The following HERC2 variants were observed in gnomAD, a reference collection of about 807,000 sequenced individuals.
The protein encoded by HERC2 is E3 ubiquitin-protein ligase HERC2.
Under a neutral mutation model 537.7 loss-of-function variants are expected in HERC2, and 102 were observed. That is an observed-to-expected ratio of 0.19 (90% CI 0.16 to 0.22). HERC2 has a LOEUF of 0.22. Among genes scored for constraint, HERC2 ranks in the 10% least tolerant of loss-of-function variants. HERC2 has a pLI of 1.00. For synonymous variants in HERC2, 2,224 were observed against 2,466.2 expected, an observed-to-expected ratio of 0.90 and a Z score of 2.91; for missense variants, 4,236 against 6,198.2, an observed-to-expected ratio of 0.68 and a Z score of 10.63.
At chr15:28,152,572 C>A in intron 70 of HERC2, 105 bp downstream of exon 70, 1 of 1,068,368 alleles carries the variant, frequency 9.4e-7, no homozygotes, top group Middle Eastern at 3.2e-4. Flanking sequence ...TCTGTAACTT[C>A]TTTTTATAAA....
chr15:28,146,252 C>T lies in HERC2; in HGVS notation c.10993G>A (p.Val3665Ile), dbSNP rs1429361753. 12 of 1,613,754 alleles carry T rather than the reference C, an allele frequency of 7.4e-6. No individual in the cohort carries two copies. Among genetic ancestry groups the T allele is most frequent in the Admixed American group, 1.7e-5 (1 of 60,002 alleles). Residue 3665 changes from valine to isoleucine, a missense_variant, in exon 71 of 93, where the codon GTC becomes ATC. Val to Ile is a conservative substitution (Grantham distance 29). Around this residue, in one of 27 missense-constraint regions of HERC2, gnomAD observed 356 missense variants for 450.9 expected, o/e 0.79. Transcript: ENST00000261609. ...LTVMDGVNRI[V>I]SVRSGREWSD... The stretch of plus-strand genomic sequence containing the variant: ...CTGTCCTTACCTGACCGCACGGAGA[C>T]GATCCTGTTGACGCCGTCCATGACT...
At chr15:28,162,670 A>G (rs1317296537) in intron 69 of HERC2, among the ~76,000 whole-genome samples, 4 of 152,114 alleles carry the variant, frequency 2.6e-5, no homozygotes, top group Admixed American at 6.5e-5. Flanking sequence ...CAGGTGGATC[A>G]CGAGGTCAGG....
chr15:28,120,900 G>A (rs967406942), intron 86 of HERC2, among the ~76,000 whole-genome samples: 2 of 152,200 alleles, frequency 1.3e-5, no homozygotes, highest in African/African-American at 4.8e-5. Context: ...CTGCAAGAGA[G>A]GAGCAGGCTG....
intron 44 of HERC2, among the ~76,000 whole-genome samples, chr15:28,210,439 G>A (rs1456095020): frequency 6.6e-6 from 1 of 152,130 alleles, no homozygotes; most frequent in Non-Finnish European, 1.5e-5. Flanking sequence ...CCCGGCTGGT[G>A]AATACATTAT....
rs1184109880 is a variant in HERC2 at position 28,230,159 on chromosome 15, C to T, written c.4809+208G>A. Among the ~76,000 whole-genome samples, 9 of 152,066 alleles carry T rather than the reference C, an allele frequency of 5.9e-5. No homozygotes were observed. In the East Asian group the frequency reaches 1.5e-3, roughly 26 times the overall value. ...AATGAATGGTGAATAATTAATGATA[C>T]AATCTAATACCAAAAATAAAAGGAA... On this transcript the variant is annotated intron_variant, in intron 31 of 92. Transcript: ENST00000261609.
rs771352713 is a variant in HERC2 at position 28,270,734 on chromosome 15, G to A, written c.1218C>T (p.Pro406=). The change falls in exon 10 of 93, where the codon CCC becomes CCT. Residue 406 remains proline, a synonymous_variant. Transcript: ENST00000261609. ...GAGAGCTACACAGCGGAGGCATACA[G>A]GGCGTAGCCAGACGGTCTAAATGGG... The part of the protein sequence containing the change: ...VMAHLDRLAT[P]CMPPLCSSPT... 6.2e-7 allele frequency: 1 copy of A among 1,613,936 alleles called. No individual in the cohort carries two copies.
intron 86 of HERC2, among the ~76,000 whole-genome samples, chr15:28,119,356 C>A (rs933253986): frequency 1.4e-5 from 2 of 142,744 alleles, no homozygotes; most frequent in African/African-American, 5.7e-5. Context: ...GCCAAGATTG[C>A]ACCACTGTAC....
chr15:28,125,050 A>G lies in HERC2; in HGVS notation c.12946T>C (p.Trp4316Arg). The change falls in exon 84 of 93, where the codon TGG becomes CGG. Residue 4316 changes from tryptophan (W) to arginine (R), a missense_variant. Trp to Arg is a moderately radical substitution (Grantham distance 101). Transcript: ENST00000261609. Reference sequence around the variant, plus strand: ...GCACTGGCGGGCTTGCTGGTCGACCAGGCGAGGGTATGTGCTGAGCCACAG... The same window carrying G: ...GCACTGGCGGGCTTGCTGGTCGACCGGGCGAGGGTATGTGCTGAGCCACAG... ...VACGSAHTLA[W>R]STSKPASAGK... 6.2e-7 allele frequency: 1 copy of G among 1,607,180 alleles called. No homozygotes were observed. The highest frequency in any genetic ancestry group is 8.5e-7 in the Non-Finnish European group (1 of 1,174,100).
At chr15:28,218,426 C>A in intron 38 of HERC2, 63 bp downstream of exon 38, 1 of 1,444,252 alleles carries the variant, frequency 6.9e-7, no homozygotes, top group Admixed American at 1.7e-5. Flanking sequence ...CACATGAACA[C>A]CCAGACACAA....
chr15:28,315,381 G>A (rs1193316344), intron 2 of HERC2, among the ~76,000 whole-genome samples: 2 of 152,264 alleles, frequency 1.3e-5, no homozygotes, highest in Admixed American at 6.5e-5. Context: ...GCCGAAGGGC[G>A]GCTCACAGGC....
chr15:28,114,121 CCAGA>C (rs1419161249), intron 90 of HERC2, among the ~76,000 whole-genome samples: 3 of 152,208 alleles, frequency 2.0e-5, no homozygotes, highest in African/African-American at 4.8e-5. Flanking sequence ...GGGGCCTCAC[CCAGA>C]CACTCTCAGG....
chr15:28,253,641 A>T lies in HERC2; in HGVS notation c.3050+699T>A, dbSNP rs533510379. Among the ~76,000 whole-genome samples the T allele has an allele frequency of 1.2e-4, 18 of 152,346 alleles. No individual in the cohort carries two copies. In the South Asian group the frequency reaches 3.7e-3, roughly 32 times the overall value. On this transcript the variant is annotated intron_variant, in intron 20 of 92. Transcript: ENST00000261609. ...TCCTTGTGCTAGATTTCACTATCTTAATATGAAAACCAATAATCACCTACT... is the reference window on the plus strand; with the variant it reads ...TCCTTGTGCTAGATTTCACTATCTTTATATGAAAACCAATAATCACCTACT...
At position 28,177,404 on chromosome 15, in the gene HERC2, A is replaced by C; in HGVS notation, c.9254+15T>G. ...GTTTCTTATTAGCAAATGAGACTAAAAAAAGTACCCTTACATTCTGCTGAA... is the reference window on the plus strand; with the variant it reads ...GTTTCTTATTAGCAAATGAGACTAACAAAAGTACCCTTACATTCTGCTGAA... On this transcript the variant is annotated intron_variant, in intron 60 of 92. Coordinates refer to ENST00000261609, the MANE Select transcript of HERC2 (RefSeq NM_004667.6). The surrounding 1 kb of genome is among the most constrained non-coding windows in gnomAD (Gnocchi z 5.0). 1 of 1,611,452 alleles carries C rather than the reference A, an allele frequency of 6.2e-7. No individual in the cohort carries two copies. Among genetic ancestry groups the C allele is most frequent in the Non-Finnish European group, 8.5e-7 (1 of 1,177,518 alleles).
intron 37 of HERC2, among the ~76,000 whole-genome samples, chr15:28,219,621 C>T (rs1222299253): frequency 6.6e-6 from 1 of 152,190 alleles, no homozygotes; most frequent in Non-Finnish European, 1.5e-5. Flanking sequence ...GAGCTGTGTG[C>T]CCCGAGCCCA....
At chr15:28,144,557 ACACAGCAGAAGGCAGGCTGTCAGG>A in intron 72 of HERC2, 92 bp downstream of exon 72, 4 of 1,425,130 alleles carry the variant, frequency 2.8e-6, no homozygotes, top group Non-Finnish European at 3.9e-6. Flanking sequence ...ACTCACTCCA[ACACAGCAGAAGGCAGGCTGTCAGG>A]CACTACGTGG....
At chr15:28,307,892 A>G (rs1277801332) in intron 2 of HERC2, among the ~76,000 whole-genome samples, 1 of 152,122 alleles carries the variant, frequency 6.6e-6, no homozygotes, top group African/African-American at 2.4e-5. Flanking sequence ...TGGATTCTCT[A>G]TTCTGTTCCG....
intron 2 of HERC2, among the ~76,000 whole-genome samples, chr15:28,316,461 A>C (rs1222061396): frequency 2.0e-5 from 3 of 152,114 alleles, no homozygotes; most frequent in Non-Finnish European, 1.5e-5. Context: ...ACAACAAAGA[A>C]AGACCCTGCC....
At chr15:28,144,638 C>T in intron 72 of HERC2, 35 bp downstream of exon 72, 1 of 1,614,058 alleles carries the variant, frequency 6.2e-7, no homozygotes, top group African/African-American at 1.3e-5. Flanking sequence ...CACAGCCAGT[C>T]ATCTAACCTT....
At chr15:28,202,062 C>A (rs778637066) in intron 47 of HERC2, 51 bp downstream of exon 47, 8 of 965,064 alleles carry the variant, frequency 8.3e-6, no homozygotes, top group Admixed American at 2.0e-5. Context: ...ACTGTTAGAG[C>A]GCTAGACGGA....
Sources: allele counts gnomAD v4.1 joint callset (sites outside exome capture counted in the v4.1 genomes callset), GRCh38; gene constraint gnomAD v4.1.1; regional missense constraint gnomAD v4.1.1; non-coding constraint Gnocchi (gnomAD v3.1); transcripts MANE v1.5; gene names NCBI Gene and HGNC (gene_info 2026-07-23, HGNC 2026-07-21).